The following CREM variants were observed in gnomAD, a reference collection of about 807,000 sequenced individuals.
The protein encoded by CREM is cAMP responsive element modulator.
CREM carries 13 observed loss-of-function variants against 37.3 expected under a neutral mutation model. That is an observed-to-expected ratio of 0.35 (90% CI 0.23 to 0.55). The LOEUF is 0.55. Among genes scored for constraint, CREM ranks in the 20% least tolerant of loss-of-function variants. The probability of loss-of-function intolerance (pLI) is 0.88; values close to 1 mark genes in which losing one functional copy is unlikely to be tolerated. For synonymous variants in CREM, 124 were observed against 120.2 expected, an observed-to-expected ratio of 1.03 and a Z score of -0.21; for missense variants, 296 against 362.3, an observed-to-expected ratio of 0.82 and a Z score of 1.49.
At chr10:35,140,093 A>G (rs138779926) in intron 2 of CREM, among the ~76,000 whole-genome samples, 1 of 152,174 alleles carries the variant, frequency 6.6e-6, no homozygotes, top group Non-Finnish European at 1.5e-5. Context: ...TTGAAATAGC[A>G]TATCTATTTT....
intron 1 of CREM, among the ~76,000 whole-genome samples, chr10:35,130,663 C>A (rs1283684520): frequency 6.6e-6 from 1 of 152,172 alleles, no homozygotes; most frequent in Non-Finnish European, 1.5e-5. Context: ...TTTAGACACA[C>A]AAATACATTC....
At chr10:35,194,304 CAAATA>C (rs1284451787) in intron 6 of CREM, among the ~76,000 whole-genome samples, 1 of 140,388 alleles carries the variant, frequency 7.1e-6, no homozygotes, top group South Asian at 2.3e-4. Context: ...TTAAGTGATC[CAAATA>C]AAATTTGACA....
chr10:35,168,755 G>C (rs371741442), intron 3 of CREM, among the ~76,000 whole-genome samples: 1 of 152,036 alleles, frequency 6.6e-6, no homozygotes, highest in Non-Finnish European at 1.5e-5. Context: ...TCTTTAATCC[G>C]TCTTGAATTA....
rs1427482152 is a variant in CREM, at chr10:35,199,915, G to A, written c.599-6980G>A. 2.4e-5 allele frequency among the ~76,000 whole-genome samples: 3 copies of A among 123,560 alleles called. No homozygotes were observed. The South Asian group carries it at 8.0e-4, about 33-fold the overall frequency. 81.1% of individuals were successfully genotyped at this position (123,560 alleles called of 152,430 possible). On this transcript the variant is annotated intron_variant, in intron 6 of 7. Transcript: ENST00000685392. ...TTTTTTTTTTTTTTTTTAAGACAGA[G>A]TTTCACTCTTGTTGCCCAGGCTGGA...
At position 35,211,878 on chromosome 10, in the gene CREM, G is replaced by T; in HGVS notation, c.*480G>T. 1 of 1,340,508 alleles carries T rather than the reference G, an allele frequency of 7.5e-7. No homozygotes were observed. Among genetic ancestry groups the T allele is most frequent in the South Asian group, 1.8e-5 (1 of 55,038 alleles). 83.0% of individuals were successfully genotyped at this position (1,340,508 alleles called of 1,614,324 possible). A position where few individuals can be genotyped will look rare whatever the true frequency, so the allele number is the denominator to read the frequency against. The stretch of plus-strand genomic sequence containing the variant: ...AATACAATATATAGCTGGCAAGAAT[G>T]GTGGCTTCTTTTCTTTGTATCATTC... On this transcript the variant is annotated 3_prime_UTR_variant, in exon 8 of 8. Transcript: ENST00000685392.
chr10:35,135,273 A>C (rs372375060), intron 1 of CREM, among the ~76,000 whole-genome samples: 67 of 152,326 alleles, frequency 4.4e-4, no homozygotes, highest in Admixed American at 1.4e-3. Context: ...ATAACAAACT[A>C]ATCTAAAATA....
chr10:35,158,812 G>GT (rs1564838652), intron 3 of CREM, among the ~76,000 whole-genome samples: 57 of 65,204 alleles, frequency 8.7e-4, no homozygotes, highest in African/African-American at 2.5e-3. Context: ...TTTTTTTGTT[G>GT]TTTTGTTTGT....
intron 1 of CREM, among the ~76,000 whole-genome samples, chr10:35,131,968 T>G (rs1278563160): frequency 6.6e-6 from 1 of 152,070 alleles, no homozygotes; most frequent in Non-Finnish European, 1.5e-5. Context: ...GTAATCCCAG[T>G]GCTTTGGGAG....
At position 35,178,975 on chromosome 10, in the gene CREM, A is replaced by T. The variant is rs763817787; in HGVS notation, c.255A>T (p.Arg85Ser). Reference sequence around the variant, plus strand: ...AACGTAGAGAAATCCTTTCACGAAGACCCTCTTATAGGTAAGTTAACCAAG... The same window carrying T: ...AACGTAGAGAAATCCTTTCACGAAGTCCCTCTTATAGGTAAGTTAACCAAG... ...SHKRREILSRRPSYRKILNEL... is the reference protein window; with the variant it reads ...SHKRREILSRSPSYRKILNEL... Residue 85 changes from arginine (R) to serine (S), a missense_variant, in exon 4 of 8, where the codon AGA becomes AGT. Transcript: ENST00000685392. 6 of 1,608,618 alleles carry T rather than the reference A, an allele frequency of 3.7e-6. No homozygotes were observed. The highest frequency in any genetic ancestry group is 2.7e-5 in the African/African-American group (2 of 74,572).
At chr10:35,204,826 A>AGTTAATC (rs1031226515) in intron 6 of CREM, among the ~76,000 whole-genome samples, 1 of 152,214 alleles carries the variant, frequency 6.6e-6, no homozygotes, top group African/African-American at 2.4e-5. Flanking sequence ...CACATAAATC[A>AGTTAATC]GTTAATCTTT....
chr10:35,131,159 A>G (rs1303733109), intron 1 of CREM, among the ~76,000 whole-genome samples: 1 of 152,220 alleles, frequency 6.6e-6, no homozygotes, highest in East Asian at 1.9e-4. Flanking sequence ...GATCTCCACA[A>G]ATGAGAAACA....
In CREM at chr10:35,178,896, C is replaced by A. The variant is rs745990633; in HGVS notation, c.176C>A (p.Ala59Glu). 27 of 1,607,894 alleles carry A rather than the reference C, an allele frequency of 1.7e-5. No homozygotes were observed. The highest frequency in any genetic ancestry group is 2.7e-5 in the African/African-American group (2 of 74,556). The change falls in exon 4 of 8, where the codon GCA becomes GAA. Residue 59 changes from alanine (A) to glutamate (E), a missense_variant. Ala to Glu is a moderately radical substitution (Grantham distance 107). Transcript: ENST00000685392. ...NSIPALAQVA[A>E]IAETDESAES... ...GAAAATCTTGTATTATAGGTAGCAG[C>A]AATTGCAGAGACAGATGAATCTGCA... is the stretch of plus-strand genomic sequence containing the variant.
intron 6 of CREM, among the ~76,000 whole-genome samples, chr10:35,204,803 A>T (rs1480439381): frequency 6.6e-6 from 1 of 152,172 alleles, no homozygotes; most frequent in Non-Finnish European, 1.5e-5. Context: ...TCTGGCATAT[A>T]CCCAAATAGA....
At chr10:35,206,091 A>G (rs2095513161) in intron 6 of CREM, among the ~76,000 whole-genome samples, 1 of 151,822 alleles carries the variant, frequency 6.6e-6, no homozygotes, top group Non-Finnish European at 1.5e-5. Flanking sequence ...TACTAAAAAT[A>G]CAAAAAATTA....
intron 3 of CREM, among the ~76,000 whole-genome samples, chr10:35,168,503 T>C (rs1006007724): frequency 7.9e-5 from 12 of 152,208 alleles, no homozygotes; most frequent in African/African-American, 2.6e-4. Flanking sequence ...TATTAGCCCA[T>C]TGTCAGATGA....
At chr10:35,158,392 G>T in intron 3 of CREM, 1 of 273,894 alleles carries the variant, frequency 3.7e-6, no homozygotes, top group South Asian at 3.4e-5. Flanking sequence ...ACAGGCAGAT[G>T]AACCGGGGGC....
At chr10:35,193,328 G>A (rs910484781) in intron 6 of CREM, among the ~76,000 whole-genome samples, 1 of 152,140 alleles carries the variant, frequency 6.6e-6, no homozygotes, top group Non-Finnish European at 1.5e-5. Context: ...ACTAAGAGCA[G>A]TAATCAACTA....
At chr10:35,183,503 A>G (rs2094437947) in intron 5 of CREM, among the ~76,000 whole-genome samples, 1 of 152,132 alleles carries the variant, frequency 6.6e-6, no homozygotes, top group African/African-American at 2.4e-5. Flanking sequence ...TGATGTTGCT[A>G]TTGTTGTTAT....
At chr10:35,195,631 G>A (rs1019364614) in intron 6 of CREM, among the ~76,000 whole-genome samples, 2 of 152,046 alleles carry the variant, frequency 1.3e-5, no homozygotes, top group African/African-American at 4.8e-5. Context: ...AGTATATACC[G>A]TTCATGTTCT....
Sources: allele counts gnomAD v4.1 joint callset (sites outside exome capture counted in the v4.1 genomes callset), GRCh38; gene constraint gnomAD v4.1.1; transcripts MANE v1.5; gene names NCBI Gene and HGNC (gene_info 2026-07-23, HGNC 2026-07-21).